AGAP1: variants seen among roughly 807,000 people sequenced by gnomAD.
The protein encoded by AGAP1 is ArfGAP with GTPase domain, ankyrin repeat and PH domain 1, also known as arf-GAP with GTPase, ANK repeat and PH domain-containing protein 1.
AGAP1 carries 29 observed loss-of-function variants against 105.3 expected under a neutral mutation model. The ratio of observed to expected loss-of-function variants is 0.28; its 90% CI spans 0.21 to 0.38. The LOEUF is 0.38. Among genes scored for constraint, AGAP1 ranks in the 10% least tolerant of loss-of-function variants. AGAP1 has a pLI of 1.00. For synonymous variants in AGAP1, 509 were observed against 485.9 expected (o/e 1.05, Z -0.63); for missense variants, 998 against 1,165.1 (o/e 0.86, Z 2.09).
In AGAP1 at chr2:236,083,239, G is replaced by A. The variant is rs990463287; in HGVS notation, c.2114+33958G>A. On this transcript the variant is annotated intron_variant, in intron 16 of 17. Transcript: ENST00000304032. The surrounding 1 kb of genome is among the most constrained non-coding windows in gnomAD (Gnocchi z 5.3). Reference sequence around the variant, plus strand: ...AAAGAAAGGGCTGTTGTCAGTCGCCGAGGCTTCGGTCTCAGGTTTTTCAGG... The same window carrying A: ...AAAGAAAGGGCTGTTGTCAGTCGCCAAGGCTTCGGTCTCAGGTTTTTCAGG... 1.3e-5 allele frequency among the ~76,000 whole-genome samples: 2 copies of A among 152,160 alleles called. No individual in the cohort carries two copies. Among genetic ancestry groups the A allele is most frequent in the African/African-American group, 4.8e-5 (2 of 41,450 alleles).
At chr2:235,784,418 A>G (rs996659605) in intron 6 of AGAP1, among the ~76,000 whole-genome samples, 46 of 152,332 alleles carry the variant, frequency 3.0e-4, no homozygotes, top group African/African-American at 9.9e-4. Flanking sequence ...AAAATCAATC[A>G]GTATTCTCTG....
Position 236,045,618 on chromosome 2 carries a change from C to T in AGAP1, c.1892-3441C>T, listed in dbSNP as rs13384116. Among the ~76,000 whole-genome samples, 3,846 of 152,274 alleles carry T rather than the reference C, an allele frequency of 0.025. 154 individuals are homozygous for T. Among genetic ancestry groups the T allele is most frequent in the African/African-American group, 0.087 (3,606 of 41,546 alleles). ...GGCCGCCCTGGGGCTGTGGGACCAGCGGGGCCTGAAGCCAGGTGGAGGGGC... is the reference window on the plus strand; with the variant it reads ...GGCCGCCCTGGGGCTGTGGGACCAGTGGGGCCTGAAGCCAGGTGGAGGGGC... On this transcript the variant is annotated intron_variant, in intron 15 of 17. Coordinates refer to ENST00000304032, the MANE Select transcript of AGAP1 (RefSeq NM_001037131.3). The surrounding 1 kb of genome is among the most constrained non-coding windows in gnomAD (Gnocchi z 6.9).
At chr2:235,708,876 C>A (rs1950683750) in intron 1 of AGAP1, among the ~76,000 whole-genome samples, 2 of 152,200 alleles carry the variant, frequency 1.3e-5, no homozygotes, top group Admixed American at 1.3e-4. Context: ...AAGATACACG[C>A]TCCACTGAAG....
chr2:235,979,613 G>A lies in AGAP1; in HGVS notation c.1645+10990G>A, dbSNP rs913228922. Among the ~76,000 whole-genome samples the A allele has an allele frequency of 9.2e-5, 14 of 152,234 alleles. No homozygotes were observed. The highest frequency in any genetic ancestry group is 3.9e-4 in the East Asian group (2 of 5,164). ...AAAGAACAGGCGCAGCGAACGTTCC[G>A]GCAGGCATTGCCGTGCACGGACACA... On this transcript the variant is annotated intron_variant, in intron 13 of 17. Coordinates refer to ENST00000304032, the MANE Select transcript of AGAP1 (RefSeq NM_001037131.3). This position sits in a 1 kb window ranked among gnomAD's most constrained non-coding sequence, Gnocchi z 4.5.
At position 235,963,170 on chromosome 2, in the gene AGAP1, G is replaced by A. The variant is rs891560316; in HGVS notation, c.1484-5292G>A. On this transcript the variant is annotated intron_variant, in intron 12 of 17. Coordinates refer to ENST00000304032, the MANE Select transcript of AGAP1 (RefSeq NM_001037131.3). The surrounding 1 kb of genome is among the most constrained non-coding windows in gnomAD (Gnocchi z 5.1). ...CCTCCAGGTGAGTCCGGGATTTCTC[G>A]GACTCACCAAGAGAATTATAAATAT... Among the ~76,000 whole-genome samples, 2 of 152,062 alleles carry A rather than the reference G, an allele frequency of 1.3e-5. No homozygotes were observed. Among genetic ancestry groups the A allele is most frequent in the East Asian group, 3.9e-4 (2 of 5,190 alleles).
At position 235,927,189 on chromosome 2, in the gene AGAP1, G is replaced by A. The variant is rs1298236871; in HGVS notation, c.1325-3576G>A. On this transcript the variant is annotated intron_variant, in intron 11 of 17. Coordinates refer to ENST00000304032, the MANE Select transcript of AGAP1 (RefSeq NM_001037131.3). This position sits in a 1 kb window ranked among gnomAD's most constrained non-coding sequence, Gnocchi z 4.4. ...GGCTGGGGGGCCTTCACGAGCTATA[G>A]GGCTCTAAGAGTCTGCCGTCAGAAG... 6.6e-6 allele frequency among the ~76,000 whole-genome samples: 1 copy of A among 152,130 alleles called. No homozygotes were observed. Among genetic ancestry groups the A allele is most frequent in the African/African-American group, 2.4e-5 (1 of 41,424 alleles).
chr2:235,805,454 G>C (rs1957790000), intron 8 of AGAP1, among the ~76,000 whole-genome samples: 1 of 152,024 alleles, frequency 6.6e-6, no homozygotes, highest in South Asian at 2.1e-4. Flanking sequence ...AATTATTCTG[G>C]TTTAATTAAC....
At chr2:235,913,020 A>G (rs1053175997) in intron 11 of AGAP1, among the ~76,000 whole-genome samples, 5 of 152,170 alleles carry the variant, frequency 3.3e-5, no homozygotes, top group South Asian at 2.1e-4. Context: ...TATTTAGGAT[A>G]TGAATATATT....
intron 16 of AGAP1, among the ~76,000 whole-genome samples, chr2:236,075,203 G>A (rs1159674743): frequency 6.6e-6 from 1 of 152,154 alleles, no homozygotes. Context: ...AATCTTTCAG[G>A]GGTGGCAGAA....
rs114034330 is a variant in AGAP1 at position 235,691,405 on chromosome 2, G to A, written c.164-17774G>A. On this transcript the variant is annotated intron_variant, in intron 1 of 17. Transcript: ENST00000304032. The surrounding 1 kb of genome is among the most constrained non-coding windows in gnomAD (Gnocchi z 4.4). ...GAGACAGGAATTGTTACACGTCTCC[G>A]TTGCGAGAAGCAAAAGTAGATTTAA... Among the ~76,000 whole-genome samples the A allele has an allele frequency of 2.5e-3, 382 of 152,362 alleles. 5 individuals carry two copies. Among genetic ancestry groups the A allele is most frequent in the African/African-American group, 8.5e-3 (355 of 41,584 alleles).
chr2:236,034,129 A>G (rs548892881), intron 13 of AGAP1, among the ~76,000 whole-genome samples: 12 of 152,274 alleles, frequency 7.9e-5, no homozygotes, highest in Admixed American at 2.6e-4. Flanking sequence ...TTGGGGCACT[A>G]TCCTATGAGA....
chr2:235,589,000 G>A (rs1291611416), intron 1 of AGAP1, among the ~76,000 whole-genome samples: 1 of 151,872 alleles, frequency 6.6e-6, no homozygotes, highest in Non-Finnish European at 1.5e-5. Flanking sequence ...TTTTCCTATC[G>A]AAATACAACT....
chr2:235,773,882 G>A (rs1234928967), intron 6 of AGAP1: 1 of 450,292 alleles, frequency 2.2e-6, no homozygotes, highest in Admixed American at 2.8e-5. Context: ...ATTTATTGAA[G>A]AGACTTTTTT....
chr2:236,101,811 C>T lies in AGAP1; in HGVS notation c.2115-18381C>T, dbSNP rs926748049. ...CGGCCTCACCCCGCTGGCTCGGGCT[C>T]CCTCTCACTGGGTACACATTTATCG... On this transcript the variant is annotated intron_variant, in intron 16 of 17. Coordinates refer to ENST00000304032, the MANE Select transcript of AGAP1 (RefSeq NM_001037131.3). This position sits in a 1 kb window ranked among gnomAD's most constrained non-coding sequence, Gnocchi z 4.9. 2.0e-5 allele frequency among the ~76,000 whole-genome samples: 3 copies of T among 152,204 alleles called. No individual in the cohort carries two copies. Among genetic ancestry groups the T allele is most frequent in the African/African-American group, 7.2e-5 (3 of 41,454 alleles).
At position 235,622,847 on chromosome 2, in the gene AGAP1, T is replaced by A. The variant is rs1344188729; in HGVS notation, c.164-86332T>A. On this transcript the variant is annotated intron_variant, in intron 1 of 17. Transcript: ENST00000304032. The surrounding 1 kb of genome is among the most constrained non-coding windows in gnomAD (Gnocchi z 5.0). Reference sequence around the variant, plus strand: ...TCCTGCACCCACACTGGACAGTCATTGTAGAAAGTAAGATGTGATGTTAAT... The same window carrying A: ...TCCTGCACCCACACTGGACAGTCATAGTAGAAAGTAAGATGTGATGTTAAT... 6.6e-6 allele frequency among the ~76,000 whole-genome samples: 1 copy of A among 152,012 alleles called. No homozygotes were observed. The highest frequency in any genetic ancestry group is 1.5e-5 in the Non-Finnish European group (1 of 68,006).
chr2:235,711,147 C>T (rs540120256), intron 2 of AGAP1, among the ~76,000 whole-genome samples: 10 of 152,338 alleles, frequency 6.6e-5, no homozygotes, highest in South Asian at 2.1e-4. Context: ...AGTGCCGTCA[C>T]GGCTGGCGCC....
Position 235,905,326 on chromosome 2 carries a change from A to T in AGAP1, c.1156-3412A>T, listed in dbSNP as rs1056448348. Among the ~76,000 whole-genome samples, 1 of 152,190 alleles carries T rather than the reference A, an allele frequency of 6.6e-6. No homozygotes were observed. The highest frequency in any genetic ancestry group is 1.5e-5 in the Non-Finnish European group (1 of 68,042). ...TATAGCAAGTTGATATTTTTAAAGGAGTAACTGTGCAAGAAGGAATTCATT... is the reference window on the plus strand; with the variant it reads ...TATAGCAAGTTGATATTTTTAAAGGTGTAACTGTGCAAGAAGGAATTCATT... On this transcript the variant is annotated intron_variant, in intron 10 of 17. Transcript: ENST00000304032. The surrounding 1 kb of genome is among the most constrained non-coding windows in gnomAD (Gnocchi z 4.2).
At chr2:236,099,976 G>T (rs941026720) in intron 16 of AGAP1, among the ~76,000 whole-genome samples, 3 of 152,076 alleles carry the variant, frequency 2.0e-5, no homozygotes, top group Non-Finnish European at 2.9e-5. Context: ...GGAGGCAGAG[G>T]TTCCAGTGAG....
intron 1 of AGAP1, among the ~76,000 whole-genome samples, chr2:235,656,616 G>A (rs567486008): frequency 4.6e-5 from 7 of 152,052 alleles, no homozygotes; most frequent in African/African-American, 1.4e-4. Flanking sequence ...AATTAGTTTA[G>A]CCTGTGCGGT....
Sources: allele counts gnomAD v4.1 joint callset (sites outside exome capture counted in the v4.1 genomes callset), GRCh38; gene constraint gnomAD v4.1.1; non-coding constraint Gnocchi (gnomAD v3.1); transcripts MANE v1.5; gene names NCBI Gene and HGNC (gene_info 2026-07-23, HGNC 2026-07-21).